The following SLC41A2 variants were observed in gnomAD, a reference collection of about 807,000 sequenced individuals.
SLC41A2 encodes SLC41A1-like 1.
SLC41A2 carries 32 observed loss-of-function variants against 58.3 expected under a neutral mutation model. The ratio of observed to expected loss-of-function variants is 0.55; its 90% CI spans 0.41 to 0.74. SLC41A2 has a LOEUF of 0.74. Among genes scored for constraint, SLC41A2 ranks in the 30% least tolerant of loss-of-function variants. The pLI, the probability that SLC41A2 is intolerant of heterozygous loss-of-function variation, is 0.00. For synonymous variants in SLC41A2, 190 were observed against 235.0 expected, an observed-to-expected ratio of 0.81 and a Z score of 1.75; for missense variants, 514 against 680.6, an observed-to-expected ratio of 0.76 and a Z score of 2.72.
chr12:104,914,835 T>C (rs961546022), intron 2 of SLC41A2, among the ~76,000 whole-genome samples: 1 of 152,270 alleles, frequency 6.6e-6, no homozygotes, highest in Non-Finnish European at 1.5e-5. Context: ...TGCCTGCACA[T>C]AGTAATTAAC....
At chr12:104,818,286 T>C (rs1288454892) in intron 10 of SLC41A2, among the ~76,000 whole-genome samples, 1 of 152,060 alleles carries the variant, frequency 6.6e-6, no homozygotes, top group East Asian at 1.9e-4. Context: ...AATATAAGTA[T>C]CATATTTTTA....
chr12:104,909,630 T>C, intron 3 of SLC41A2, 25 bp downstream of exon 3: 1 of 1,460,912 alleles, frequency 6.8e-7, no homozygotes, highest in Non-Finnish European at 9.5e-7. Context: ...GTAATACACA[T>C]AATTTGAGGT....
At chr12:104,903,196 G>C (rs1233530129) in intron 3 of SLC41A2, among the ~76,000 whole-genome samples, 1 of 152,046 alleles carries the variant, frequency 6.6e-6, no homozygotes. Flanking sequence ...AGCTATTATT[G>C]CAACAGACTC....
At chr12:104,930,863 G>T (rs2047023063) in intron 1 of SLC41A2, among the ~76,000 whole-genome samples, 1 of 152,252 alleles carries the variant, frequency 6.6e-6, no homozygotes, top group Non-Finnish European at 1.5e-5. Flanking sequence ...TGCAGAACGT[G>T]GCTAAGCACA....
chr12:104,937,854 G>A (rs1397405359), intron 1 of SLC41A2, among the ~76,000 whole-genome samples: 1 of 152,134 alleles, frequency 6.6e-6, no homozygotes, highest in Non-Finnish European at 1.5e-5. Flanking sequence ...CATTCAAAAA[G>A]GAATCATTTG....
At chr12:104,942,520 A>T (rs1266395758) in intron 1 of SLC41A2, among the ~76,000 whole-genome samples, 4 of 151,996 alleles carry the variant, frequency 2.6e-5, no homozygotes, top group Non-Finnish European at 5.9e-5. Context: ...TTTCCTGCAA[A>T]TGATTTCAGA....
At chr12:104,931,658 TG>T (rs1395103244) in intron 1 of SLC41A2, 1 of 152,198 alleles carries the variant, frequency 6.6e-6, no homozygotes, top group Non-Finnish European at 1.5e-5. Flanking sequence ...GGAAGGCCTT[TG>T]GGGGAAGACT....
chr12:104,853,062 G>A (rs569197644), intron 8 of SLC41A2, among the ~76,000 whole-genome samples: 2 of 152,174 alleles, frequency 1.3e-5, no homozygotes, highest in Non-Finnish European at 2.9e-5. Flanking sequence ...GTATCCACAA[G>A]ACAGAATTTT....
chr12:104,955,912 T>G (rs1235092600), intron 1 of SLC41A2, among the ~76,000 whole-genome samples: 1 of 152,166 alleles, frequency 6.6e-6, no homozygotes, highest in African/African-American at 2.4e-5. Flanking sequence ...ATGAACATAA[T>G]TGTAATAAAA....
chr12:104,812,619 AG>A (rs2041223354), intron 10 of SLC41A2, among the ~76,000 whole-genome samples: 1 of 152,104 alleles, frequency 6.6e-6, no homozygotes, highest in African/African-American at 2.4e-5. Context: ...AAGCAAAATG[AG>A]GGCTTGAACC....
At chr12:104,948,960 G>A (rs2047845621) in intron 1 of SLC41A2, among the ~76,000 whole-genome samples, 1 of 152,196 alleles carries the variant, frequency 6.6e-6, no homozygotes, top group Admixed American at 6.5e-5. Flanking sequence ...GCTCATGCCT[G>A]TAATCAGCAC....
intron 4 of SLC41A2, among the ~76,000 whole-genome samples, chr12:104,890,588 T>C (rs995280973): frequency 3.9e-5 from 6 of 152,182 alleles, no homozygotes; most frequent in Admixed American, 3.9e-4. Context: ...GAGGAAGTCC[T>C]ATTCTGGAAA....
At chr12:104,910,465 C>A (rs2046033648) in intron 2 of SLC41A2, among the ~76,000 whole-genome samples, 1 of 152,122 alleles carries the variant, frequency 6.6e-6, no homozygotes, top group African/African-American at 2.4e-5. Context: ...ATAATATCCA[C>A]CCTATCTAGT....
rs1369459219 is a variant in SLC41A2, at chr12:104,928,598, C to T, written c.-71G>A. 8.0e-6 allele frequency: 7 copies of T among 870,330 alleles called. No individual in the cohort carries two copies. The highest frequency in any genetic ancestry group is 3.9e-5 in the South Asian group (1 of 25,936). 53.9% of individuals were successfully genotyped at this position (870,330 alleles called of 1,614,324 possible). On this transcript the variant is annotated 5_prime_UTR_variant, in exon 2 of 11. Transcript: ENST00000258538. ...GGAACCACAGCAGATGAATCAGAAC[C>T]GCACAAACACTGGTTTAAATTAAGT...
chr12:104,873,452 A>G (rs886220501), intron 6 of SLC41A2, among the ~76,000 whole-genome samples: 1 of 152,204 alleles, frequency 6.6e-6, no homozygotes, highest in South Asian at 2.1e-4. Flanking sequence ...GGTTGTTTCC[A>G]TATCTAGACA....
At chr12:104,935,482 A>C (rs2047227914) in intron 1 of SLC41A2, among the ~76,000 whole-genome samples, 1 of 152,202 alleles carries the variant, frequency 6.6e-6, no homozygotes, top group African/African-American at 2.4e-5. Flanking sequence ...GCTATTATTT[A>C]TTAAAAATAA....
chr12:104,920,598 C>T (rs2135841115), intron 2 of SLC41A2, among the ~76,000 whole-genome samples: 1 of 152,088 alleles, frequency 6.6e-6, no homozygotes, highest in East Asian at 1.9e-4. Flanking sequence ...CACAACAAAG[C>T]AAGACCCTGT....
intron 1 of SLC41A2, among the ~76,000 whole-genome samples, chr12:104,942,682 A>G (rs1303161556): frequency 6.6e-6 from 1 of 152,182 alleles, no homozygotes; most frequent in Non-Finnish European, 1.5e-5. Flanking sequence ...TTACTTTAGC[A>G]GTGAGGAAAC....
intron 2 of SLC41A2, among the ~76,000 whole-genome samples, chr12:104,914,309 T>A (rs1261355049): frequency 1.3e-5 from 2 of 152,202 alleles, no homozygotes; most frequent in Non-Finnish European, 2.9e-5. Context: ...TAGTATTTAA[T>A]GTCATTTTTT....
Sources: allele counts gnomAD v4.1 joint callset (sites outside exome capture counted in the v4.1 genomes callset), GRCh38; gene constraint gnomAD v4.1.1; transcripts MANE v1.5; gene names NCBI Gene and HGNC (gene_info 2026-07-23, HGNC 2026-07-21).